The following ROBO2 variants were observed in gnomAD, a reference collection of about 807,000 sequenced individuals.
The protein encoded by ROBO2 is roundabout guidance receptor 2.
In ROBO2, 53 loss-of-function variants were observed where a neutral mutation model predicts 160.8. That is an observed-to-expected ratio of 0.33 (90% CI 0.26 to 0.41). ROBO2 has a LOEUF of 0.41. ROBO2 is among the 10% of genes least tolerant of loss of function. The probability of loss-of-function intolerance (pLI) is 1.00; values close to 1 mark genes in which losing one functional copy is unlikely to be tolerated. For missense variants in ROBO2, 1,577 were observed against 1,722.4 expected (o/e 0.92, Z 1.49); for synonymous variants, 664 against 611.7 (o/e 1.09, Z -1.26).
At chr3:77,630,921 A>C (rs771106915) in intron 23 of ROBO2, 1 of 150,980 alleles carries the variant, frequency 6.6e-6, no homozygotes, top group Non-Finnish European at 1.5e-5. Context: ...CCAGAGTTTC[A>C]TATTCTTTTG....
intron 13 of ROBO2, among the ~76,000 whole-genome samples, chr3:77,569,475 G>A (rs993409526): frequency 4.0e-5 from 6 of 151,756 alleles, no homozygotes; most frequent in African/African-American, 1.5e-4. Flanking sequence ...TTAGAGAAAT[G>A]TCTATTCAAA....
At chr3:77,631,668 G>T (rs2095166541) in intron 23 of ROBO2, 1 of 151,972 alleles carries the variant, frequency 6.6e-6, no homozygotes, top group Non-Finnish European at 1.5e-5. Flanking sequence ...ATGTTTCTGA[G>T]TATCCTCACA....
At chr3:76,187,994 CCTATATCTGACAATAAT>C (rs1383131525) in intron 2 of ROBO2, among the ~76,000 whole-genome samples, 1 of 152,088 alleles carries the variant, frequency 6.6e-6, no homozygotes, top group African/African-American at 2.4e-5. Context: ...TGCCACTTTT[CCTATATCTGACAATAAT>C]CTGTGCACTC....
chr3:76,269,670 C>T (rs1707313276), intron 2 of ROBO2, among the ~76,000 whole-genome samples: 1 of 151,368 alleles, frequency 6.6e-6, no homozygotes, highest in Non-Finnish European at 1.5e-5. Flanking sequence ...TAACTAAAAA[C>T]CAATGCATAA....
At chr3:76,523,128 A>G (rs1188079877) in intron 2 of ROBO2, among the ~76,000 whole-genome samples, 2 of 151,520 alleles carry the variant, frequency 1.3e-5, no homozygotes, top group East Asian at 3.9e-4. Flanking sequence ...AGCTCCAAAT[A>G]CCGTAAATTT....
chr3:76,565,433 ACT>A (rs1447414519), intron 2 of ROBO2, among the ~76,000 whole-genome samples: 5 of 152,162 alleles, frequency 3.3e-5, no homozygotes, highest in African/African-American at 1.2e-4. Flanking sequence ...CAGGATAGTA[ACT>A]CTAAAATTCC....
chr3:76,308,392 A>AAG (rs2071422175), intron 2 of ROBO2, among the ~76,000 whole-genome samples: 1 of 150,788 alleles, frequency 6.6e-6, no homozygotes. Flanking sequence ...AAAAAAAAAA[A>AAG]AAAAAGAAAG....
intron 2 of ROBO2, among the ~76,000 whole-genome samples, chr3:76,223,929 G>T (rs1220726741): frequency 6.6e-6 from 1 of 152,196 alleles, no homozygotes; most frequent in African/African-American, 2.4e-5. Context: ...CTTATAAGTA[G>T]TGGGTTAGAA....
chr3:77,005,464 C>T (rs2061534425), intron 2 of ROBO2, among the ~76,000 whole-genome samples: 1 of 152,096 alleles, frequency 6.6e-6, no homozygotes, highest in Non-Finnish European at 1.5e-5. Context: ...GACAGATCAT[C>T]GTTCAGTTCT....
chr3:76,648,207 T>C (rs1297812798), intron 2 of ROBO2, among the ~76,000 whole-genome samples: 1 of 152,048 alleles, frequency 6.6e-6, no homozygotes, highest in Admixed American at 6.6e-5. Context: ...AAAATAAACA[T>C]GCAATTCAAT....
At chr3:77,175,504 G>A (rs1264748176) in intron 2 of ROBO2, among the ~76,000 whole-genome samples, 2 of 151,970 alleles carry the variant, frequency 1.3e-5, no homozygotes, top group Non-Finnish European at 2.9e-5. Flanking sequence ...TGAACATGAA[G>A]TGATATTGTT....
At chr3:77,423,803 A>G (rs2077930191) in intron 2 of ROBO2, among the ~76,000 whole-genome samples, 1 of 152,132 alleles carries the variant, frequency 6.6e-6, no homozygotes, top group Non-Finnish European at 1.5e-5. Flanking sequence ...TGCTTCCTAA[A>G]ACATAATTCT....
chr3:76,294,774 G>A (rs1708984654), intron 2 of ROBO2, among the ~76,000 whole-genome samples: 1 of 152,222 alleles, frequency 6.6e-6, no homozygotes, highest in Non-Finnish European at 1.5e-5. Flanking sequence ...TAGCTTTGCA[G>A]GCAATAGCCA....
intron 2 of ROBO2, among the ~76,000 whole-genome samples, chr3:76,883,170 G>T (rs73127301): frequency 0.074 from 11,265 of 152,124 alleles, 559 homozygotes; most frequent in East Asian, 0.22. Context: ...TATGTATTAT[G>T]CACTCTATAT....
intron 2 of ROBO2, among the ~76,000 whole-genome samples, chr3:76,362,388 T>C (rs1321640895): frequency 6.6e-6 from 1 of 152,028 alleles, no homozygotes; most frequent in Non-Finnish European, 1.5e-5. Flanking sequence ...GTGAATATTA[T>C]AGACACCTGA....
At chr3:77,620,599 T>A (rs915725709) in intron 22 of ROBO2, among the ~76,000 whole-genome samples, 3 of 152,208 alleles carry the variant, frequency 2.0e-5, no homozygotes, top group Non-Finnish European at 2.9e-5. Flanking sequence ...ACTTGGGGCC[T>A]GAACTTTCTA....
intron 2 of ROBO2, among the ~76,000 whole-genome samples, chr3:76,380,419 A>C (rs1166746051): frequency 6.6e-6 from 1 of 152,154 alleles, no homozygotes; most frequent in Non-Finnish European, 1.5e-5. Context: ...TAAGATATAC[A>C]CTTGACCCTC....
At chr3:77,212,980 T>C (rs1466320219) in intron 2 of ROBO2, among the ~76,000 whole-genome samples, 4 of 152,186 alleles carry the variant, frequency 2.6e-5, no homozygotes, top group African/African-American at 9.7e-5. Flanking sequence ...AGTTGGCCAG[T>C]ATTTTGTTGA....
At chr3:77,352,385 A>G (rs1270672964) in intron 2 of ROBO2, among the ~76,000 whole-genome samples, 1 of 152,130 alleles carries the variant, frequency 6.6e-6, no homozygotes, top group Non-Finnish European at 1.5e-5. Context: ...AGATATTCTC[A>G]TGCAGGTGGT....
Sources: allele counts gnomAD v4.1 joint callset (sites outside exome capture counted in the v4.1 genomes callset), GRCh38; gene constraint gnomAD v4.1.1; transcripts MANE v1.5; gene names NCBI Gene and HGNC (gene_info 2026-07-23, HGNC 2026-07-21).